Variants in GRM8 observed in about 807,000 individuals in gnomAD.
GRM8 encodes the protein metabotropic glutamate receptor 8.
A neutral mutation model predicts 87.2 loss-of-function variants in GRM8; 47 were observed. That is an observed-to-expected ratio of 0.54 (90% CI 0.43 to 0.69). The LOEUF is 0.69. Ranked by LOEUF, GRM8 falls within the 30% of genes least tolerant of loss-of-function variation. The pLI is 0.00. For missense variants in GRM8, 1,019 were observed against 1,139.2 expected (o/e 0.89, Z 1.52); for synonymous variants, 396 against 404.5 (o/e 0.98, Z 0.25).
chr7:127,178,893 A>C (rs899760327), intron 2 of GRM8, among the ~76,000 whole-genome samples: 13 of 152,192 alleles, frequency 8.5e-5, no homozygotes, highest in Non-Finnish European at 1.6e-4. Context: ...AACTCTTTAA[A>C]GCATAAATCA....
chr7:126,489,517 C>T (rs899962187), intron 9 of GRM8, among the ~76,000 whole-genome samples: 5 of 152,078 alleles, frequency 3.3e-5, no homozygotes, highest in East Asian at 1.9e-4. Context: ...CCTTATTACC[C>T]GGTATTAGTA....
chr7:127,146,910 G>A (rs991225511), intron 2 of GRM8, among the ~76,000 whole-genome samples: 1 of 151,932 alleles, frequency 6.6e-6, no homozygotes, highest in Non-Finnish European at 1.5e-5. Context: ...CTCAAAGAAA[G>A]GATCTCCAAC....
intron 2 of GRM8, among the ~76,000 whole-genome samples, chr7:127,158,326 G>A (rs757275439): frequency 6.6e-6 from 1 of 152,130 alleles, no homozygotes; most frequent in Non-Finnish European, 1.5e-5. Context: ...GTCTTTTCCA[G>A]TTCAGACAAA....
At chr7:126,703,328 T>C (rs558287076) in intron 7 of GRM8, among the ~76,000 whole-genome samples, 6 of 152,274 alleles carry the variant, frequency 3.9e-5, no homozygotes, top group East Asian at 1.9e-4. Flanking sequence ...AATAAACATA[T>C]GTTTGAAGCA....
intron 9 of GRM8, among the ~76,000 whole-genome samples, chr7:126,450,416 T>G (rs1017477556): frequency 6.6e-6 from 1 of 151,874 alleles, no homozygotes; most frequent in African/African-American, 2.4e-5. Flanking sequence ...CTTACCACTT[T>G]GTTTTAGTCA....
intron 6 of GRM8, among the ~76,000 whole-genome samples, chr7:126,830,005 T>C (rs1252453366): frequency 6.6e-6 from 1 of 152,208 alleles, no homozygotes; most frequent in Non-Finnish European, 1.5e-5. Context: ...GAAAATTCTT[T>C]TCTTTAAGAA....
intron 9 of GRM8, among the ~76,000 whole-genome samples, chr7:126,496,745 G>C (rs1808801065): frequency 1.3e-5 from 2 of 151,922 alleles, no homozygotes; most frequent in South Asian, 4.1e-4. Context: ...ATCAGTTGCA[G>C]AACTAGTAGG....
At chr7:127,171,522 C>A (rs1431380771) in intron 2 of GRM8, among the ~76,000 whole-genome samples, 1 of 152,202 alleles carries the variant, frequency 6.6e-6, no homozygotes, top group Non-Finnish European at 1.5e-5. Flanking sequence ...GCCATCCCAA[C>A]CTTAAGCAAC....
At chr7:127,003,848 T>C (rs967837094) in intron 3 of GRM8, among the ~76,000 whole-genome samples, 2 of 151,784 alleles carry the variant, frequency 1.3e-5, no homozygotes, top group African/African-American at 4.8e-5. Context: ...CAGCTAGAGA[T>C]ATTCTTAGAA....
intron 8 of GRM8, among the ~76,000 whole-genome samples, chr7:126,595,500 C>CA (rs965082521): frequency 1.3e-5 from 2 of 151,266 alleles, no homozygotes; most frequent in Non-Finnish European, 2.9e-5. Flanking sequence ...CTCCCGGACT[C>CA]AAGTAATCAG....
intron 2 of GRM8, among the ~76,000 whole-genome samples, chr7:127,196,575 G>A (rs1280873252): frequency 6.7e-6 from 1 of 150,232 alleles, no homozygotes; most frequent in African/African-American, 2.4e-5. Flanking sequence ...GCCCCTACCA[G>A]CCAAGTATCC....
intron 6 of GRM8, among the ~76,000 whole-genome samples, chr7:126,807,008 C>A (rs1004223199): frequency 6.6e-6 from 1 of 152,212 alleles, no homozygotes; most frequent in Non-Finnish European, 1.5e-5. Flanking sequence ...CCGAGGCCAA[C>A]AAGGAACCGA....
At chr7:126,473,311 G>C (rs1183651837) in intron 9 of GRM8, among the ~76,000 whole-genome samples, 1 of 152,210 alleles carries the variant, frequency 6.6e-6, no homozygotes, top group African/African-American at 2.4e-5. Flanking sequence ...CCCACCTCTT[G>C]CATCAGCATG....
At chr7:126,963,743 A>G (rs1052456038) in intron 3 of GRM8, among the ~76,000 whole-genome samples, 1 of 152,212 alleles carries the variant, frequency 6.6e-6, no homozygotes, top group Non-Finnish European at 1.5e-5. Flanking sequence ...ATACTGCCCA[A>G]AGTAATTTAT....
chr7:126,908,526 A>G (rs1301483507), intron 3 of GRM8, among the ~76,000 whole-genome samples: 2 of 152,202 alleles, frequency 1.3e-5, no homozygotes, highest in Admixed American at 6.5e-5. Context: ...GACATGTTAT[A>G]TGCTGAGTAT....
intron 6 of GRM8, among the ~76,000 whole-genome samples, chr7:126,775,214 T>TAA (rs3831575): frequency 0.36 from 55,061 of 151,866 alleles, 11,486 homozygotes; most frequent in Non-Finnish European, 0.47. Context: ...GAGAGAATGG[T>TAA]AGAGGAAGAA....
intron 3 of GRM8, among the ~76,000 whole-genome samples, chr7:127,071,657 G>A (rs1821702703): frequency 6.6e-6 from 1 of 152,134 alleles, no homozygotes. Flanking sequence ...CTTATTTGTA[G>A]AGGTCAGTTC....
At chr7:127,239,207 CTG>C (rs1192309859) in intron 2 of GRM8, among the ~76,000 whole-genome samples, 1 of 152,188 alleles carries the variant, frequency 6.6e-6, no homozygotes, top group Admixed American at 6.5e-5. Context: ...AAAAAGGAAA[CTG>C]AGACATTTAG....
intron 3 of GRM8, among the ~76,000 whole-genome samples, chr7:126,957,226 G>GA (rs1563353433): frequency 1.3e-5 from 2 of 152,014 alleles, no homozygotes; most frequent in East Asian, 1.9e-4. Context: ...CATGGTAACT[G>GA]AAAAAAAAGT....
Sources: allele counts gnomAD v4.1 joint callset (sites outside exome capture counted in the v4.1 genomes callset), GRCh38; gene constraint gnomAD v4.1.1; transcripts MANE v1.5; gene names NCBI Gene and HGNC (gene_info 2026-07-23, HGNC 2026-07-21).